AP1B1: variants seen among roughly 807,000 people sequenced by gnomAD.
The protein encoded by AP1B1 is AP-1 complex subunit beta-1.
Under a neutral mutation model 104.3 loss-of-function variants are expected in AP1B1, and 36 were observed. The observed-to-expected ratio is 0.35, with a 90% CI of 0.26 to 0.46. The LOEUF (loss-of-function observed/expected upper bound fraction) is 0.46, where lower values mean the gene tolerates loss of function less well. Ranked by LOEUF, AP1B1 falls within the 20% of genes least tolerant of loss-of-function variation. AP1B1 has a pLI of 1.00. For missense variants in AP1B1, 901 were observed against 1,247.9 expected (o/e 0.72, Z 4.19); for synonymous variants, 504 against 517.5 (o/e 0.97, Z 0.35).
rs760009222 is a variant in AP1B1 at position 29,340,712 on chromosome 22, T to C, written c.1942A>G (p.Thr648Ala). 2.2e-5 allele frequency: 35 copies of C among 1,588,920 alleles called. No homozygotes were observed. Among genetic ancestry groups the C allele is most frequent in the South Asian group, 1.8e-4 (16 of 86,808 alleles). ...GPPVSGPPLA[T>A]SSVQMGAVDL... is the part of the protein sequence containing the mutation. ...ACAGCTCCCATCTGCACCGAGGAGGTGGCCAGGGGTGGGCCGCTCACTGGG... is the reference window on the plus strand; with the variant it reads ...ACAGCTCCCATCTGCACCGAGGAGGCGGCCAGGGGTGGGCCGCTCACTGGG... The change falls in exon 14 of 23, where the codon ACC becomes GCC. Residue 648 changes from threonine to alanine, a missense_variant. Thr to Ala is a moderately conservative substitution (Grantham distance 58). Coordinates refer to ENST00000357586, the MANE Select transcript of AP1B1 (RefSeq NM_001127.4).
rs900392672 is a variant in AP1B1, at chr22:29,329,813, C to T, written c.2767-93G>A. Reference sequence around the variant, plus strand: ...CCACCGAAGCCACGCCACAGCCCCCCACCGACCAGCACTGCCAGCAGGACC... The same window carrying T: ...CCACCGAAGCCACGCCACAGCCCCCTACCGACCAGCACTGCCAGCAGGACC... On this transcript the variant is annotated intron_variant, in intron 21 of 22. Transcript: ENST00000357586. 5 of 1,580,178 alleles carry T rather than the reference C, an allele frequency of 3.2e-6. No individual in the cohort carries two copies. In the Admixed American group the frequency reaches 8.8e-5, roughly 28 times the overall value.
At chr22:29,383,965 C>A (rs1467138865) in intron 1 of AP1B1, among the ~76,000 whole-genome samples, 1 of 152,144 alleles carries the variant, frequency 6.6e-6, no homozygotes, top group Admixed American at 6.5e-5. Flanking sequence ...GAGTGTAGAA[C>A]CATAGCCAAG....
At chr22:29,380,386 A>G (rs992602489) in intron 1 of AP1B1, among the ~76,000 whole-genome samples, 3 of 132,666 alleles carry the variant, frequency 2.3e-5, no homozygotes, top group African/African-American at 9.5e-5. Flanking sequence ...CATACCATCC[A>G]CATAGCCCAA....
Position 29,356,484 on chromosome 22 carries a change from T to G in AP1B1, c.658A>C (p.Ile220Leu). ...TTGGCGAGGCAGTCCAGGATGAAGA[T>G]CTGGCCCCACTCGGTGCACTCATTG... ...ALNECTEWGQIFILDCLANYM... is the reference protein window; with the variant it reads ...ALNECTEWGQLFILDCLANYM... Residue 220 changes from isoleucine to leucine, a missense_variant, in exon 6 of 23, where the codon ATC (isoleucine) becomes CTC (leucine). Ile to Leu is a conservative substitution (Grantham distance 5). Around this residue, in one of 3 missense-constraint regions of AP1B1, gnomAD observed 471 missense variants for 696.7 expected, o/e 0.68. Transcript: ENST00000357586. 6.2e-7 allele frequency: 1 copy of G among 1,614,178 alleles called. No individual in the cohort carries two copies. The highest frequency in any genetic ancestry group is 8.5e-7 in the Non-Finnish European group (1 of 1,180,008).
intron 1 of AP1B1, among the ~76,000 whole-genome samples, chr22:29,372,267 A>T (rs1227792228): frequency 6.6e-6 from 1 of 152,044 alleles, no homozygotes; most frequent in African/African-American, 2.4e-5. Flanking sequence ...TACTAAAAAT[A>T]CAAAAAATTA....
intron 2 of AP1B1, among the ~76,000 whole-genome samples, chr22:29,363,871 G>T (rs941203756): frequency 2.2e-4 from 33 of 151,976 alleles, no homozygotes; most frequent in African/African-American, 5.3e-4. Context: ...CCAGCCTGGG[G>T]GACACAAAGT....
intron 11 of AP1B1, among the ~76,000 whole-genome samples, chr22:29,346,769 A>G (rs1441472871): frequency 6.6e-6 from 1 of 150,612 alleles, no homozygotes; most frequent in Non-Finnish European, 1.5e-5. Context: ...ATTGCAAGCA[A>G]AGGCAGTCTG....
In AP1B1 at chr22:29,351,235, T is replaced by G; in HGVS notation, c.1091A>C (p.Glu364Ala). The change falls in exon 9 of 23, where the codon GAA (glutamate) becomes GCA (alanine). Residue 364 changes from glutamate (E) to alanine (A), a missense_variant. Glu to Ala is a moderately radical substitution (Grantham distance 107, BLOSUM62 -1). Coordinates refer to ENST00000357586, the MANE Select transcript of AP1B1 (RefSeq NM_001127.4). ...CTTCCGTACAAAGTCCACATCCACT[T>G]CTGTTGCGTACTCTTTCAGCTCTGC... ...VLAELKEYATEVDVDFVRKAV... is the reference protein window; with the variant it reads ...VLAELKEYATAVDVDFVRKAV... 1 of 1,614,138 alleles carries G rather than the reference T, an allele frequency of 6.2e-7. No individual in the cohort carries two copies. The highest frequency in any genetic ancestry group is 8.5e-7 in the Non-Finnish European group (1 of 1,180,036).
chr22:29,334,165 T>G, intron 17 of AP1B1, 100 bp downstream of exon 17: 6 of 852,966 alleles, frequency 7.0e-6, no homozygotes, highest in Non-Finnish European at 6.8e-6. Context: ...CCCTCCCCTC[T>G]ACAGCCCCCA....
Position 29,354,877 on chromosome 22 carries a change from G to A in AP1B1, c.717-6C>T, listed in dbSNP as rs2061931468. Reference sequence around the variant, plus strand: ...GGGTGACCCGCTCACAGATGCTGGGGTCCGTCCATTCCAACGGGGCAAACA... The same window carrying A: ...GGGTGACCCGCTCACAGATGCTGGGATCCGTCCATTCCAACGGGGCAAACA... On this transcript the variant is annotated splice_region_variant and splice_polypyrimidine_tract_variant and intron_variant, in intron 6 of 22. Coordinates refer to ENST00000357586, the MANE Select transcript of AP1B1 (RefSeq NM_001127.4). The A allele has an allele frequency of 6.2e-7, 1 of 1,612,920 alleles. No homozygotes were observed. The highest frequency in any genetic ancestry group is 8.5e-7 in the Non-Finnish European group (1 of 1,179,008).
intron 3 of AP1B1, among the ~76,000 whole-genome samples, chr22:29,360,288 G>A (rs113576653): frequency 2.6e-5 from 4 of 152,076 alleles, no homozygotes; most frequent in Admixed American, 6.6e-5. Context: ...CTGCCCCCTC[G>A]CCCTGAGTCT....
At chr22:29,372,391 T>G (rs1225808858) in intron 1 of AP1B1, among the ~76,000 whole-genome samples, 1 of 137,322 alleles carries the variant, frequency 7.3e-6, no homozygotes, top group Non-Finnish European at 1.5e-5. Context: ...AGCATTGCAC[T>G]CCAGCCTGCG....
Position 29,330,622 on chromosome 22 carries a change from C to T in AP1B1, c.2611+1G>A. ...TGGGGTCGGGGGCTCGGAGTCCTCA[C>T]CTGCATTGAGGGGGCAGTCTCTGAT... On this transcript the variant is annotated splice_donor_variant, in intron 20 of 22. Transcript: ENST00000357586. LOFTEE classifies it high-confidence loss of function. 6.2e-7 allele frequency: 1 copy of T among 1,613,816 alleles called. No homozygotes were observed. The highest frequency in any genetic ancestry group is 8.5e-7 in the Non-Finnish European group (1 of 1,179,908).
At chr22:29,334,931 C>A (rs2061616325) in intron 16 of AP1B1, among the ~76,000 whole-genome samples, 1 of 152,234 alleles carries the variant, frequency 6.6e-6, no homozygotes, top group Non-Finnish European at 1.5e-5. Context: ...CCTAAGAGGA[C>A]CCCTCGCCTG....
rs1407795309 is a variant in AP1B1 at position 29,359,697 on chromosome 22, T to C, written c.279+127A>G. The C allele has an allele frequency of 4.2e-5, 53 of 1,253,756 alleles. No individual in the cohort carries two copies. In the South Asian group the frequency reaches 8.2e-4, roughly 19 times the overall value. The allele number at this position is 1,253,756 out of a possible 1,614,324, so 77.7% of individuals were successfully genotyped here. On this transcript the variant is annotated intron_variant, in intron 4 of 22. Transcript: ENST00000357586. ...CTGCTGGAGGAAGAGGCCTGCAGGC[T>C]GGGCGGGCGCGGGCAGTCTGAAGGT...
rs577558660 is a variant in AP1B1 at position 29,328,419 on chromosome 22, T to C, written c.*402A>G. 4.1e-4 allele frequency: 74 copies of C among 180,568 alleles called. No individual in the cohort carries two copies. Among genetic ancestry groups the C allele is most frequent in the Admixed American group, 1.6e-3 (28 of 17,642 alleles). 11.2% of individuals were successfully genotyped at this position (180,568 alleles called of 1,614,324 possible). A position where few individuals can be genotyped will look rare whatever the true frequency, so the allele number is the denominator to read the frequency against. ...GGCCAGGTTGGCAGGGTCCATCCCA[T>C]GAGAGGTGGCAGTGGAGGGCCCTTT... On this transcript the variant is annotated 3_prime_UTR_variant, in exon 23 of 23. Coordinates refer to ENST00000357586, the MANE Select transcript of AP1B1 (RefSeq NM_001127.4). The surrounding 1 kb of genome is among the most constrained non-coding windows in gnomAD (Gnocchi z 4.1).
At chr22:29,351,512 TG>T in intron 8 of AP1B1, 192 bp downstream of exon 8, 1 of 869,618 alleles carries the variant, frequency 1.1e-6, no homozygotes, top group Non-Finnish European at 1.8e-6. Flanking sequence ...GGTGATAACA[TG>T]GAGAAACATT....
chr22:29,387,392 C>T (rs1032413199), intron 1 of AP1B1, among the ~76,000 whole-genome samples: 1 of 151,562 alleles, frequency 6.6e-6, no homozygotes, highest in Non-Finnish European at 1.5e-5. Context: ...ACTGCAACCT[C>T]CACCTCCTGG....
At chr22:29,364,353 T>C (rs190914253) in intron 2 of AP1B1, among the ~76,000 whole-genome samples, 3 of 152,360 alleles carry the variant, frequency 2.0e-5, no homozygotes, top group Non-Finnish European at 4.4e-5. Flanking sequence ...GGCCCTGCCA[T>C]GGACAGATAG....
Sources: allele counts gnomAD v4.1 joint callset (sites outside exome capture counted in the v4.1 genomes callset), GRCh38; gene constraint gnomAD v4.1.1; regional missense constraint gnomAD v4.1.1; non-coding constraint Gnocchi (gnomAD v3.1); transcripts MANE v1.5; gene names NCBI Gene and HGNC (gene_info 2026-07-23, HGNC 2026-07-21).